Variants in POLR1G observed in about 807,000 individuals in gnomAD.
POLR1G encodes the protein RNA polymerase I subunit G.
A neutral mutation model predicts 6.3 loss-of-function variants in POLR1G; 9 were observed. That is an observed-to-expected ratio of 1.44 (90% CI 0.87 to 2.51). The LOEUF is 2.51. Among genes scored for constraint, POLR1G ranks in the 30% most tolerant of loss-of-function variants. POLR1G has a pLI of 0.00. For missense variants in POLR1G, 617 were observed against 632.5 expected (o/e 0.98, Z 0.26); for synonymous variants, 248 against 256.5 (o/e 0.97, Z 0.32).
chr19:45,408,673 A>G lies in POLR1G; in HGVS notation c.705A>G (p.Thr235=). 6.2e-7 allele frequency: 1 copy of G among 1,614,014 alleles called. No individual in the cohort carries two copies. Among genetic ancestry groups the G allele is most frequent in the Non-Finnish European group, 8.5e-7 (1 of 1,179,996 alleles). Residue 235 remains threonine, a synonymous_variant, in exon 3 of 3, where the codon ACA becomes ACG. Transcript: ENST00000309424. ...EAAGPVGTEP[T]VETLEPLGVL... ...CAGGGCCTGTGGGGACAGAGCCCAC[A>G]GTGGAGACACTGGAGCCTCTGGGAG... is the stretch of plus-strand genomic sequence containing the variant.
intron 2 of POLR1G, 58 bp from the exon 3 acceptor site, chr19:45,408,075 A>G: frequency 6.6e-7 from 1 of 1,511,068 alleles, no homozygotes; most frequent in Non-Finnish European, 8.8e-7. Flanking sequence ...AAAAAAATCA[A>G]AAAACCTTCC....
At position 45,409,383 on chromosome 19, in the gene POLR1G, T is replaced by C. The variant is rs561071631; in HGVS notation, c.1415T>C (p.Met472Thr). 18 of 1,613,260 alleles carry C rather than the reference T, an allele frequency of 1.1e-5. No homozygotes were observed. The highest frequency in any genetic ancestry group is 1.4e-5 in the Non-Finnish European group (17 of 1,179,896). Residue 472 changes from methionine to threonine, a missense_variant, in exon 3 of 3, where the codon ATG becomes ACG. By Grantham distance (81) the Met-to-Thr change is moderately conservative. Transcript: ENST00000309424. The stretch of plus-strand genomic sequence containing the variant: ...AAGAAGCAGAGTCAGGAAAGCCGGA[T>C]GCCAGAGACAGTGCCCCAAGAGGAG... ...KRKKQSQESR[M>T]PETVPQEEMP... is the part of the protein sequence containing the mutation.
chr19:45,409,136 G>A lies in POLR1G; in HGVS notation c.1168G>A (p.Glu390Lys), dbSNP rs762751719. 5 of 1,613,050 alleles carry A rather than the reference G, an allele frequency of 3.1e-6. No homozygotes were observed. In the African/African-American group the frequency reaches 5.3e-5, roughly 17 times the overall value. The part of the protein sequence containing the change: ...LAAPKKKTKK[E>K]KQQDATVEPE... The stretch of plus-strand genomic sequence containing the variant: ...AGCTCCCAAAAAGAAGACGAAGAAA[G>A]AAAAACAGCAAGATGCCACAGTGGA... Residue 390 changes from glutamate to lysine, a missense_variant, in exon 3 of 3, where the codon GAA (glutamate) becomes AAA (lysine). Transcript: ENST00000309424.
At position 45,409,162 on chromosome 19, in the gene POLR1G, G is replaced by A. The variant is rs977410259; in HGVS notation, c.1194G>A (p.Glu398=). ...KKEKQQDATV[E]PETEVVGPEL... is the part of the protein sequence containing the mutation. ...AAAAACAGCAAGATGCCACAGTGGA[G>A]CCAGAGACAGAGGTGGTGGGGCCTG... Residue 398 remains glutamate (E), a synonymous_variant, in exon 3 of 3, where the codon GAG becomes GAA. Coordinates refer to ENST00000309424, the MANE Select transcript of POLR1G (RefSeq NM_012099.3). 7 of 1,613,474 alleles carry A rather than the reference G, an allele frequency of 4.3e-6. No homozygotes were observed. The highest frequency in any genetic ancestry group is 5.1e-6 in the Non-Finnish European group (6 of 1,179,722).
At position 45,409,341 on chromosome 19, in the gene POLR1G, G is replaced by C. The variant is rs201278532; in HGVS notation, c.1373G>C (p.Gly458Ala). 2 of 1,613,946 alleles carry C rather than the reference G, an allele frequency of 1.2e-6. No individual in the cohort carries two copies. Among genetic ancestry groups the C allele is most frequent in the Non-Finnish European group, 1.7e-6 (2 of 1,180,016 alleles). Reference protein sequence around the residue: ...EGQPEARATPGSTKKRKKQSQ... With the variant: ...EGQPEARATPASTKKRKKQSQ... ...CAGCCTGAAGCCAGGGCAACTCCGGGATCCACCAAGAAGAGGAAGAAGCAG... is the reference window on the plus strand; with the variant it reads ...CAGCCTGAAGCCAGGGCAACTCCGGCATCCACCAAGAAGAGGAAGAAGCAG... Residue 458 changes from glycine to alanine, a missense_variant, in exon 3 of 3, where the codon GGA (glycine) becomes GCA (alanine). Transcript: ENST00000309424.
intron 2 of POLR1G, 128 bp from the exon 3 acceptor site, chr19:45,408,005 G>A: frequency 8.0e-7 from 1 of 1,254,054 alleles, no homozygotes; most frequent in Non-Finnish European, 1.1e-6. Flanking sequence ...AGTGAGCCGA[G>A]ATCATGCCAC....
At position 45,410,561 on chromosome 19, in the gene POLR1G, TTCTTTGTG is replaced by T. The variant is rs1429983367; in HGVS notation, c.*1062_*1069del. On this transcript the variant is annotated 3_prime_UTR_variant, in exon 3 of 3. Transcript: ENST00000309424. Reference sequence around the variant, plus strand: ...TCAAATAGTATGTCTTATTCATTCTTTCTTTGTGTGTGTGTGTGTGTGTGTGTGTGTGT... The same window carrying T: ...TCAAATAGTATGTCTTATTCATTCTTTGTGTGTGTGTGTGTGTGTGTGTGT... 2 of 75,198 alleles carry T rather than the reference TTCTTTGTG, an allele frequency of 2.7e-5. No homozygotes were observed. The highest frequency in any genetic ancestry group is 5.5e-4 in the South Asian group (1 of 1,812). The allele number at this position is 75,198 out of a possible 1,614,324, so 4.7% of individuals were successfully genotyped here.
chr19:45,409,889 ATTATTATT>A lies in POLR1G; in HGVS notation c.*391_*398del. 3 of 237,018 alleles carry A rather than the reference ATTATTATT, an allele frequency of 1.3e-5. No individual in the cohort carries two copies. Among genetic ancestry groups the A allele is most frequent in the African/African-American group, 8.5e-5 (2 of 23,420 alleles). The allele number at this position is 237,018 out of a possible 1,614,324, so 14.7% of individuals were successfully genotyped here. ...ACAATCTTTTTAAGTTATTATTATT[ATTATTATT>A]TTTTTTTTTTTTGAGATGGAGTCTC... On this transcript the variant is annotated 3_prime_UTR_variant, in exon 3 of 3. Transcript: ENST00000309424.
In POLR1G at chr19:45,406,856, G is replaced by C; in HGVS notation, c.22+138G>C. ...GCGTGCATTCCCAGTGGGCGAACGG[G>C]AATTCGAACGGAGAGAGGGTTATCT... On this transcript the variant is annotated intron_variant, in intron 1 of 2. Transcript: ENST00000309424. This position sits in a 1 kb window ranked among gnomAD's most constrained non-coding sequence, Gnocchi z 4.2. 2.0e-6 allele frequency: 2 copies of C among 1,006,724 alleles called. No homozygotes were observed. Among genetic ancestry groups the C allele is most frequent in the Non-Finnish European group, 2.8e-6 (2 of 712,246 alleles). 62.4% of individuals were successfully genotyped at this position (1,006,724 alleles called of 1,614,324 possible).
At position 45,408,415 on chromosome 19, in the gene POLR1G, C is replaced by T. The variant is rs1973480750; in HGVS notation, c.447C>T (p.Phe149=). 1.9e-6 allele frequency: 3 copies of T among 1,613,620 alleles called. No homozygotes were observed. The highest frequency in any genetic ancestry group is 2.5e-6 in the Non-Finnish European group (3 of 1,179,848). ...TCCCTCCTGGCCTGAGGCCTCGGTTCTGTGCCTTTGGGGGCAACCCACCAG... is the reference window on the plus strand; with the variant it reads ...TCCCTCCTGGCCTGAGGCCTCGGTTTTGTGCCTTTGGGGGCAACCCACCAG... The part of the protein sequence containing the change: ...PQIPPGLRPR[F]CAFGGNPPVT... Residue 149 remains phenylalanine (F), a synonymous_variant, in exon 3 of 3, where the codon TTC becomes TTT. Transcript: ENST00000309424.
rs567612255 is a variant in POLR1G at position 45,409,953 on chromosome 19, G to A, written c.*452G>A. On this transcript the variant is annotated 3_prime_UTR_variant, in exon 3 of 3. Coordinates refer to ENST00000309424, the MANE Select transcript of POLR1G (RefSeq NM_012099.3). ...GTCGCCCAGGTTGGAGTGCAGTGGCGCAATCTCGGCTCACTGCAAGCTCCG... is the reference window on the plus strand; with the variant it reads ...GTCGCCCAGGTTGGAGTGCAGTGGCACAATCTCGGCTCACTGCAAGCTCCG... 4.0e-4 allele frequency: 75 copies of A among 186,028 alleles called. No individual in the cohort carries two copies. Among genetic ancestry groups the A allele is most frequent in the African/African-American group, 1.7e-3 (71 of 41,086 alleles). 11.5% of individuals were successfully genotyped at this position (186,028 alleles called of 1,614,324 possible).
Position 45,406,999 on chromosome 19 carries a change from C to T in POLR1G, c.23-95C>T. On this transcript the variant is annotated intron_variant, in intron 1 of 2. Transcript: ENST00000309424. This position sits in a 1 kb window ranked among gnomAD's most constrained non-coding sequence, Gnocchi z 4.2. ...AAACCAGGTTGAGGGGACTGGAGTGCTCACGAGGTTAAGACCAATGGACCG... is the reference window on the plus strand; with the variant it reads ...AAACCAGGTTGAGGGGACTGGAGTGTTCACGAGGTTAAGACCAATGGACCG... 6.8e-7 allele frequency: 1 copy of T among 1,467,556 alleles called. No individual in the cohort carries two copies. The highest frequency in any genetic ancestry group is 9.2e-7 in the Non-Finnish European group (1 of 1,091,904). 90.9% of individuals were successfully genotyped at this position (1,467,556 alleles called of 1,614,324 possible).
Position 45,408,796 on chromosome 19 carries a change from T to C in POLR1G, c.828T>C (p.Thr276=). 1 of 1,613,428 alleles carries C rather than the reference T, an allele frequency of 6.2e-7. No individual in the cohort carries two copies. Among genetic ancestry groups the C allele is most frequent in the East Asian group, 2.2e-5 (1 of 44,828 alleles). ...DKTVKQEQIN[T]EPLEDTVLSP... ...CAGTGAAGCAGGAACAGATTAACAC[T>C]GAGCCTCTAGAAGACACAGTCCTGT... Residue 276 remains threonine (T), a synonymous_variant, in exon 3 of 3, where the codon ACT becomes ACC. Coordinates refer to ENST00000309424, the MANE Select transcript of POLR1G (RefSeq NM_012099.3).
rs377364364 is a variant in POLR1G, at chr19:45,408,773, G to T, written c.805G>T (p.Val269Leu). The stretch of plus-strand genomic sequence containing the variant: ...AACCTTCGAGCCAGAAGACAAGACA[G>T]TGAAGCAGGAACAGATTAACACTGA... ...KETFEPEDKT[V>L]KQEQINTEPL... Residue 269 changes from valine to leucine, a missense_variant, in exon 3 of 3, where the codon GTG becomes TTG. Val to Leu is a conservative substitution (Grantham distance 32). Coordinates refer to ENST00000309424, the MANE Select transcript of POLR1G (RefSeq NM_012099.3). 2 of 1,613,942 alleles carry T rather than the reference G, an allele frequency of 1.2e-6. No homozygotes were observed. The highest frequency in any genetic ancestry group is 1.3e-5 in the African/African-American group (1 of 74,944).
Position 45,408,278 on chromosome 19 carries a change from G to A in POLR1G, c.310G>A (p.Gly104Arg), listed in dbSNP as rs375294528. 1.9e-5 allele frequency: 30 copies of A among 1,613,906 alleles called. No homozygotes were observed. The highest frequency in any genetic ancestry group is 2.5e-5 in the Non-Finnish European group (29 of 1,179,960). The change falls in exon 3 of 3, where the codon GGA (glycine) becomes AGA (arginine). Residue 104 changes from glycine (G) to arginine (R), a missense_variant. Coordinates refer to ENST00000309424, the MANE Select transcript of POLR1G (RefSeq NM_012099.3). Reference sequence around the variant, plus strand: ...GGCCCCCTCAACGGAGGCAGGAGGTGGACTCACCTGTGCCTCAGCCCCCCA... The same window carrying A: ...GGCCCCCTCAACGGAGGCAGGAGGTAGACTCACCTGTGCCTCAGCCCCCCA... ...LLAPSTEAGG[G>R]LTCASAPQGT...
chr19:45,409,647 C>A lies in POLR1G; in HGVS notation c.*146C>A. 1 of 1,442,068 alleles carries A rather than the reference C, an allele frequency of 6.9e-7. No individual in the cohort carries two copies. The highest frequency in any genetic ancestry group is 9.8e-7 in the Non-Finnish European group (1 of 1,024,974). 89.3% of individuals were successfully genotyped at this position (1,442,068 alleles called of 1,614,324 possible). The stretch of plus-strand genomic sequence containing the variant: ...CCTGGGAGGACGATTTATTATTACA[C>A]TGGGGGTTTCCTTGGCAGCTGGGGT... On this transcript the variant is annotated 3_prime_UTR_variant, in exon 3 of 3. Coordinates refer to ENST00000309424, the MANE Select transcript of POLR1G (RefSeq NM_012099.3).
In POLR1G at chr19:45,409,892, A is replaced by ATTTTTTTTTTTTTTTTT. The variant is rs200386912; in HGVS notation, c.*393_*394insTTTTTTTTTTTTTTTTT. 25 of 203,766 alleles carry ATTTTTTTTTTTTTTTTT rather than the reference A, an allele frequency of 1.2e-4. No individual in the cohort carries two copies. Among genetic ancestry groups the ATTTTTTTTTTTTTTTTT allele is most frequent in the Non-Finnish European group, 1.6e-4 (19 of 121,676 alleles). The allele number at this position is 203,766 out of a possible 1,614,324, so 12.6% of individuals were successfully genotyped here. Reference sequence around the variant, plus strand: ...ATCTTTTTAAGTTATTATTATTATTATTATTTTTTTTTTTTTTGAGATGGA... The same window carrying ATTTTTTTTTTTTTTTTT: ...ATCTTTTTAAGTTATTATTATTATTATTTTTTTTTTTTTTTTTTTATTTTTTTTTTTTTTGAGATGGA... On this transcript the variant is annotated 3_prime_UTR_variant, in exon 3 of 3. Coordinates refer to ENST00000309424, the MANE Select transcript of POLR1G (RefSeq NM_012099.3).
Position 45,406,997 on chromosome 19 carries a change from T to G in POLR1G, c.23-97T>G, listed in dbSNP as rs1973390063. ...AGAAACCAGGTTGAGGGGACTGGAG[T>G]GCTCACGAGGTTAAGACCAATGGAC... On this transcript the variant is annotated intron_variant, in intron 1 of 2. Coordinates refer to ENST00000309424, the MANE Select transcript of POLR1G (RefSeq NM_012099.3). This position sits in a 1 kb window ranked among gnomAD's most constrained non-coding sequence, Gnocchi z 4.2. 2 of 1,450,820 alleles carry G rather than the reference T, an allele frequency of 1.4e-6. No homozygotes were observed. The allele number at this position is 1,450,820 out of a possible 1,614,324, so 89.9% of individuals were successfully genotyped here.
intron 2 of POLR1G, 151 bp downstream of exon 2, chr19:45,407,386 T>C: frequency 1.5e-6 from 1 of 682,008 alleles, no homozygotes; most frequent in Non-Finnish European, 2.4e-6. Context: ...GAGTAGAGTG[T>C]CCTCAGAAAG....
Sources: allele counts gnomAD v4.1 joint callset, GRCh38; gene constraint gnomAD v4.1.1; non-coding constraint Gnocchi (gnomAD v3.1); transcripts MANE v1.5; gene names NCBI Gene and HGNC (gene_info 2026-07-23, HGNC 2026-07-21).